Variants in PCDH15 observed in about 807,000 individuals in gnomAD.
PCDH15 encodes the protein protocadherin related 15.
PCDH15 carries 129 observed loss-of-function variants against 178.5 expected under a neutral mutation model. The ratio of observed to expected loss-of-function variants is 0.72; its 90% CI spans 0.63 to 0.84. PCDH15 has a LOEUF of 0.84. Ranked by LOEUF, PCDH15 falls within the 40% of genes least tolerant of loss-of-function variation. The pLI is 0.00. For synonymous variants in PCDH15, 800 were observed against 732.0 expected (o/e 1.09, Z -1.50); for missense variants, 2,230 against 2,099.9 (o/e 1.06, Z -1.21).
chr10:54,116,457 T>G (rs2095115109), intron 15 of PCDH15, among the ~76,000 whole-genome samples: 1 of 152,212 alleles, frequency 6.6e-6, no homozygotes, highest in Non-Finnish European at 1.5e-5. Flanking sequence ...TGTTGCTTTG[T>G]GTTCAATTGC....
chr10:53,952,931 G>T (rs1564846206), intron 23 of PCDH15, among the ~76,000 whole-genome samples: 1 of 152,236 alleles, frequency 6.6e-6, no homozygotes, highest in South Asian at 2.1e-4. Context: ...GGCCCTGGAA[G>T]CAGGGAGAGG....
chr10:54,977,656 A>G (rs1456578243), intron 2 of PCDH15, among the ~76,000 whole-genome samples: 1 of 152,172 alleles, frequency 6.6e-6, no homozygotes, highest in African/African-American at 2.4e-5. Flanking sequence ...TTTTCTGCCT[A>G]TGAAATAGTC....
Position 55,210,618 on chromosome 10 carries a change from C to CTTTTTTTTTTTTTTTTTTTTT in PCDH15, c.-155-43988_-155-43968dup, listed in dbSNP as rs11412877. Among the ~76,000 whole-genome samples, 8 of 40,344 alleles carry CTTTTTTTTTTTTTTTTTTTTT rather than the reference C, an allele frequency of 2.0e-4. 1 individual carries two copies. The highest frequency in any genetic ancestry group is 4.7e-4 in the Admixed American group (1 of 2,108). 26.5% of individuals were successfully genotyped at this position (40,344 alleles called of 152,430 possible). On this transcript the variant is annotated intron_variant, in intron 1 of 5. Coordinates refer to the PCDH15 transcript ENST00000458638. Reference sequence around the variant, plus strand: ...ACGATTTTTTTTTCTTTTTTCTTTTCTTTTTTTTTTTTTTTTTTTTTTTTT... The same window carrying CTTTTTTTTTTTTTTTTTTTTT: ...ACGATTTTTTTTTCTTTTTTCTTTTCTTTTTTTTTTTTTTTTTTTTTTTTTTTTTTTTTTTTTTTTTTTTTT...
intron 2 of PCDH15, among the ~76,000 whole-genome samples, chr10:55,012,107 A>G (rs1840059860): frequency 6.6e-6 from 1 of 152,084 alleles, no homozygotes; most frequent in African/African-American, 2.4e-5. Context: ...CATTTTTCTG[A>G]AAGTTACTTT....
intron 2 of PCDH15, among the ~76,000 whole-genome samples, chr10:54,917,063 G>C (rs1358682678): frequency 2.6e-5 from 4 of 152,192 alleles, no homozygotes; most frequent in Non-Finnish European, 5.9e-5. Context: ...AGATGGAAGA[G>C]TGTTGAATAG....
At chr10:53,821,156 AT>A (rs994994562) in intron 32 of PCDH15, 4 of 974,074 alleles carry the variant, frequency 4.1e-6, no homozygotes, top group Admixed American at 6.2e-5. Context: ...ACAATGAGAA[AT>A]AAAGAGAATA....
At chr10:54,543,611 G>C (rs1416923806) in intron 2 of PCDH15, among the ~76,000 whole-genome samples, 2 of 152,252 alleles carry the variant, frequency 1.3e-5, no homozygotes, top group East Asian at 3.9e-4. Flanking sequence ...TTCATGTAAT[G>C]AACTGGCCTA....
At chr10:55,482,881 A>G (rs1028913732) in intron 2 of PCDH15, among the ~76,000 whole-genome samples, 4 of 151,736 alleles carry the variant, frequency 2.6e-5, no homozygotes, top group African/African-American at 7.3e-5. Context: ...CTAGGTTGGG[A>G]AAGTTCTCAT....
At chr10:54,199,118 T>A (rs533100703) in intron 10 of PCDH15, among the ~76,000 whole-genome samples, 21 of 152,240 alleles carry the variant, frequency 1.4e-4, no homozygotes, top group African/African-American at 5.1e-4. Flanking sequence ...CTATAAAAAT[T>A]ACATATAAAG....
chr10:53,959,697 T>C (rs2088067506), intron 23 of PCDH15, 35 bp downstream of exon 23: 1 of 1,499,252 alleles, frequency 6.7e-7, no homozygotes, highest in African/African-American at 1.4e-5. Flanking sequence ...GCCCTAAACA[T>C]TTCGTGTATT....
At chr10:55,212,367 G>C (rs1431267842) in intron 1 of PCDH15, among the ~76,000 whole-genome samples, 1 of 151,770 alleles carries the variant, frequency 6.6e-6, no homozygotes, top group Non-Finnish European at 1.5e-5. Flanking sequence ...ATTTCTCCAG[G>C]ACCCCTCTCT....
intron 17 of PCDH15, among the ~76,000 whole-genome samples, chr10:54,074,823 G>C (rs966785634): frequency 6.6e-6 from 1 of 151,996 alleles, no homozygotes; most frequent in Non-Finnish European, 1.5e-5. Flanking sequence ...AGTGCACAAG[G>C]GTTCCAATTT....
At chr10:54,057,592 T>G (rs2093922908) in intron 18 of PCDH15, among the ~76,000 whole-genome samples, 1 of 152,102 alleles carries the variant, frequency 6.6e-6, no homozygotes, top group African/African-American at 2.4e-5. Context: ...AAACCATTTT[T>G]TCCTCCTAGG....
intron 2 of PCDH15, among the ~76,000 whole-genome samples, chr10:54,588,309 G>A (rs1260815041): frequency 2.6e-5 from 4 of 152,102 alleles, no homozygotes; most frequent in Non-Finnish European, 5.9e-5. Flanking sequence ...CATAATTATT[G>A]CCAATAATAT....
intron 3 of PCDH15, among the ~76,000 whole-genome samples, chr10:54,381,368 C>T (rs1949215129): frequency 6.6e-6 from 1 of 152,056 alleles, no homozygotes; most frequent in South Asian, 2.1e-4. Context: ...ATCTGAAAAG[C>T]TAGTGTTCTA....
intron 2 of PCDH15, among the ~76,000 whole-genome samples, chr10:55,583,254 A>G (rs979504241): frequency 1.3e-5 from 2 of 152,178 alleles, no homozygotes; most frequent in African/African-American, 2.4e-5. Flanking sequence ...TAGTAAAATA[A>G]AAATATTGAG....
At chr10:54,835,524 A>G (rs191236678) in intron 3 of PCDH15, among the ~76,000 whole-genome samples, 3 of 152,238 alleles carry the variant, frequency 2.0e-5, no homozygotes, top group Admixed American at 6.6e-5. Flanking sequence ...ACAGTTCCCC[A>G]GTACATATCC....
intron 3 of PCDH15, among the ~76,000 whole-genome samples, chr10:54,837,559 A>G (rs2133757594): frequency 6.6e-6 from 1 of 152,326 alleles, no homozygotes; most frequent in Non-Finnish European, 1.5e-5. Flanking sequence ...GATTTATAAA[A>G]TTGGAAAGTG....
intron 2 of PCDH15, among the ~76,000 whole-genome samples, chr10:55,135,884 TA>T (rs1342962028): frequency 6.6e-6 from 1 of 152,102 alleles, no homozygotes; most frequent in Non-Finnish European, 1.5e-5. Flanking sequence ...GTGCCCGGCA[TA>T]AAGCTTTTTC....
Sources: gnomAD v4.1 joint callset for allele counts (sites outside exome capture counted in the v4.1 genomes callset) on GRCh38, gnomAD v4.1.1 for gene constraint, MANE v1.5 for transcripts, NCBI Gene and HGNC (gene_info 2026-07-23, HGNC 2026-07-21) for gene names.